Variants in GLIS3 observed in about 807,000 individuals in gnomAD.
GLIS3 encodes GLIS family zinc finger 3.
Under a neutral mutation model 78.6 loss-of-function variants are expected in GLIS3, and 53 were observed. The ratio of observed to expected loss-of-function variants is 0.67; its 90% confidence interval spans 0.54 to 0.85. The LOEUF (loss-of-function observed/expected upper bound fraction) is 0.85, where lower values mean the gene tolerates loss of function less well. Ranked by LOEUF, GLIS3 falls within the 40% of genes least tolerant of loss-of-function variation. The pLI is 0.00. For missense variants in GLIS3, 1,703 were observed against 1,231.1 expected (o/e 1.38, Z -5.74); for synonymous variants, 684 against 509.9 (o/e 1.34, Z -4.60).
intron 2 of GLIS3, among the ~76,000 whole-genome samples, chr9:4,266,160 C>T (rs958965535): frequency 6.6e-5 from 10 of 151,754 alleles, no homozygotes; most frequent in African/African-American, 1.2e-4. Flanking sequence ...CCTCATGATC[C>T]GCCTGCCTCA....
upstream of GLIS3, among the ~76,000 whole-genome samples, chr9:4,302,284 G>A (rs1179653397): frequency 3.9e-5 from 6 of 152,170 alleles, no homozygotes; most frequent in African/African-American, 7.2e-5. Context: ...GGGAACTGCA[G>A]CCCAGTCAGT....
At chr9:4,166,485 A>G (rs557713499) in intron 2 of GLIS3, among the ~76,000 whole-genome samples, 1 of 152,346 alleles carries the variant, frequency 6.6e-6, no homozygotes, top group African/African-American at 2.4e-5. Context: ...AATAAATCAA[A>G]AAAATAACCA....
chr9:4,084,456 G>A (rs746850399), intron 4 of GLIS3, among the ~76,000 whole-genome samples: 9 of 152,102 alleles, frequency 5.9e-5, no homozygotes, highest in East Asian at 1.9e-4. Context: ...CAGCAGGTTC[G>A]CGTGGTGGAG....
chr9:4,251,061 G>A (rs1824324650), intron 2 of GLIS3, among the ~76,000 whole-genome samples: 1 of 152,168 alleles, frequency 6.6e-6, no homozygotes. Context: ...GTGATGTGGT[G>A]CTGAGAAGAA....
At chr9:4,047,134 T>C (rs1825316174) in intron 4 of GLIS3, among the ~76,000 whole-genome samples, 1 of 152,170 alleles carries the variant, frequency 6.6e-6, no homozygotes, top group African/African-American at 2.4e-5. Flanking sequence ...GTTTCCCCCA[T>C]GCTGTTCTTG....
At chr9:4,059,051 A>G (rs1826397591) in intron 4 of GLIS3, among the ~76,000 whole-genome samples, 1 of 152,074 alleles carries the variant, frequency 6.6e-6, no homozygotes, top group Non-Finnish European at 1.5e-5. Flanking sequence ...CTAGTTGACG[A>G]AGGGGACCCT....
the GLIS3 span, among the ~76,000 whole-genome samples, chr9:4,356,919 A>G: frequency 6.6e-6 from 1 of 152,222 alleles, no homozygotes; most frequent in Non-Finnish European, 1.5e-5. Flanking sequence ...TGGAATTGGC[A>G]TTTTCAAAAT....
intron 6 of GLIS3, among the ~76,000 whole-genome samples, chr9:3,921,923 T>TGCACACACAC (rs1554647307): frequency 6.7e-6 from 1 of 149,758 alleles, no homozygotes; most frequent in Non-Finnish European, 1.5e-5. Context: ...TCATACTGTG[T>TGCACACACAC]ACACACACAC....
At chr9:4,058,812 C>T (rs1177249386) in intron 4 of GLIS3, among the ~76,000 whole-genome samples, 2 of 151,902 alleles carry the variant, frequency 1.3e-5, no homozygotes, top group Admixed American at 6.6e-5. Context: ...AACCCCATCT[C>T]TACTAAAAAA....
intron 2 of GLIS3, among the ~76,000 whole-genome samples, chr9:4,171,549 T>C (rs878953090): frequency 6.6e-6 from 1 of 152,232 alleles, no homozygotes; most frequent in Non-Finnish European, 1.5e-5. Context: ...TAAGGAAAGA[T>C]TCTTGCTGGT....
the GLIS3 span, among the ~76,000 whole-genome samples, chr9:4,384,429 G>C: frequency 6.6e-6 from 1 of 151,956 alleles, no homozygotes; most frequent in African/African-American, 2.4e-5. Flanking sequence ...CTTTAACAAG[G>C]ACTATTACTC....
At chr9:4,270,579 G>T (rs1480515898) in intron 2 of GLIS3, among the ~76,000 whole-genome samples, 1 of 152,182 alleles carries the variant, frequency 6.6e-6, no homozygotes, top group African/African-American at 2.4e-5. Flanking sequence ...TATTCTGTCT[G>T]CTGGCCAGAG....
chr9:4,306,589 G>C (rs1012576411), intron 4 of GLIS3, among the ~76,000 whole-genome samples: 1 of 152,130 alleles, frequency 6.6e-6, no homozygotes, highest in Non-Finnish European at 1.5e-5. Flanking sequence ...ACTGAAATAG[G>C]ATTTTTCTCA....
intron 2 of GLIS3, among the ~76,000 whole-genome samples, chr9:4,196,185 A>T (rs1223800530): frequency 6.6e-6 from 1 of 152,202 alleles, no homozygotes; most frequent in Non-Finnish European, 1.5e-5. Context: ...TTTCATGTCT[A>T]GCCAGAGGAT....
At chr9:4,333,990 G>A (rs965117415) in intron 2 of GLIS3, among the ~76,000 whole-genome samples, 1 of 152,078 alleles carries the variant, frequency 6.6e-6, no homozygotes, top group African/African-American at 2.4e-5. Flanking sequence ...AAAGGACTAG[G>A]GTTCCTGTTA....
intron 4 of GLIS3, among the ~76,000 whole-genome samples, chr9:4,107,752 T>TAAA (rs34563848): frequency 0.12 from 17,679 of 142,558 alleles, 1,145 homozygotes; most frequent in Non-Finnish European, 0.16. Flanking sequence ...ACAGGTTACC[T>TAAA]AAAAAAAAAA....
At chr9:4,184,932 G>C (rs1369894885) in intron 2 of GLIS3, among the ~76,000 whole-genome samples, 3 of 152,160 alleles carry the variant, frequency 2.0e-5, no homozygotes, top group Non-Finnish European at 4.4e-5. Context: ...TAAAAAGACA[G>C]TCAATGTGTA....
intron 2 of GLIS3, among the ~76,000 whole-genome samples, chr9:4,218,520 T>C (rs1321017209): frequency 6.6e-6 from 1 of 152,168 alleles, no homozygotes; most frequent in East Asian, 1.9e-4. Context: ...CCTCGTGATC[T>C]GCCTGCCTTG....
At chr9:4,319,963 C>G (rs966265117) in intron 2 of GLIS3, among the ~76,000 whole-genome samples, 1 of 151,236 alleles carries the variant, frequency 6.6e-6, no homozygotes, top group African/African-American at 2.4e-5. Context: ...TTGGTCCTTA[C>G]AGTAGGTTAG....
Sources: allele counts gnomAD v4.1 joint callset (sites outside exome capture counted in the v4.1 genomes callset), GRCh38; gene constraint gnomAD v4.1.1; transcripts MANE v1.5; gene names NCBI Gene and HGNC (gene_info 2026-07-23, HGNC 2026-07-21).